RELT: variants seen among roughly 807,000 people sequenced by gnomAD.
RELT encodes RELT TNF receptor.
Under a neutral mutation model 51.1 loss-of-function variants are expected in RELT, and 37 were observed. The observed-to-expected ratio is 0.72, with a 90% confidence interval of 0.56 to 0.95. The LOEUF (loss-of-function observed/expected upper bound fraction) is 0.95. Ranked by LOEUF, RELT falls within the 40% of genes least tolerant of loss-of-function variation. The pLI, the probability that RELT is intolerant of heterozygous loss-of-function variation, is 0.00. For synonymous variants in RELT, 241 were observed against 235.7 expected, an observed-to-expected ratio of 1.02 and a Z score of -0.21; for missense variants, 535 against 572.6, an observed-to-expected ratio of 0.93 and a Z score of 0.67.
chr11:73,387,589 G>A (rs1283046865), intron 1 of RELT, among the ~76,000 whole-genome samples: 2 of 152,214 alleles, frequency 1.3e-5, no homozygotes, highest in African/African-American at 4.8e-5. Flanking sequence ...TTTCCCCTGA[G>A]CTGGCCTGGG....
chr11:73,377,447 T>C (rs1024113127), intron 1 of RELT, among the ~76,000 whole-genome samples: 3 of 152,004 alleles, frequency 2.0e-5, no homozygotes, highest in Admixed American at 1.3e-4. Context: ...GGAGTTCAGC[T>C]TGGTGAGGAG....
At chr11:73,380,838 TGGG>T (rs1397665636) in intron 1 of RELT, among the ~76,000 whole-genome samples, 1 of 152,076 alleles carries the variant, frequency 6.6e-6, no homozygotes, top group Non-Finnish European at 1.5e-5. Context: ...TCAGGATCGA[TGGG>T]GGAGCAGGGA....
Position 73,394,963 on chromosome 11 carries a change from G to A in RELT, c.1047-124G>A, listed in dbSNP as rs1313657176. 5 of 974,676 alleles carry A rather than the reference G, an allele frequency of 5.1e-6. No homozygotes were observed. Among genetic ancestry groups the A allele is most frequent in the Admixed American group, 2.1e-5 (1 of 46,918 alleles). 60.4% of individuals were successfully genotyped at this position (974,676 alleles called of 1,614,324 possible). ...CTAGGGCAGCATCTTGGCCCCCATG[G>A]CACCCGGGCCTCTCAGGCTAAGGCT... On this transcript the variant is annotated intron_variant, in intron 9 of 10. Coordinates refer to ENST00000064780, the MANE Select transcript of RELT (RefSeq NM_152222.2). This position sits in a 1 kb window ranked among gnomAD's most constrained non-coding sequence, Gnocchi z 4.9.
At chr11:73,381,567 G>A (rs889706057) in intron 1 of RELT, among the ~76,000 whole-genome samples, 2 of 152,188 alleles carry the variant, frequency 1.3e-5, no homozygotes, top group Non-Finnish European at 2.9e-5. Flanking sequence ...CAGGGAGGCT[G>A]GGGAGGCTTC....
rs1866303013 is a variant in RELT at position 73,395,452 on chromosome 11, C to G, written c.1254C>G (p.Arg418=). ...PPAENKAEEN[R]YVVRLSESNL... The stretch of plus-strand genomic sequence containing the variant: ...TCACCCCTGCCCACCAGGAGAACCG[C>G]TATGTGGTCCGGCTAAGTGAGAGCA... The change falls in exon 11 of 11, where the codon CGC becomes CGG. Residue 418 remains arginine, a synonymous_variant. Coordinates refer to ENST00000064780, the MANE Select transcript of RELT (RefSeq NM_152222.2). The G allele has an allele frequency of 1.2e-6, 1 of 843,364 alleles. No homozygotes were observed. The allele number at this position is 843,364 out of a possible 1,614,324, so 52.2% of individuals were successfully genotyped here.
intron 1 of RELT, among the ~76,000 whole-genome samples, chr11:73,379,275 A>C (rs1306824031): frequency 6.6e-6 from 1 of 152,180 alleles, no homozygotes; most frequent in African/African-American, 2.4e-5. Context: ...GAGAAGGGTT[A>C]ACTTCTCCTT....
At chr11:73,391,636 A>G (rs1301123261) in intron 5 of RELT, among the ~76,000 whole-genome samples, 3 of 152,166 alleles carry the variant, frequency 2.0e-5, no homozygotes. Context: ...GCAAAAAATA[A>G]AAATAAAAAA....
chr11:73,388,111 G>T lies in RELT; in HGVS notation c.-25-1001G>T, dbSNP rs369662119. ...GAGCAGGCCACCGTCTGGGCCTGGG[G>T]GCCTCAGTCTCAGACCGGTGGGCCG... On this transcript the variant is annotated intron_variant, in intron 1 of 10. Coordinates refer to ENST00000064780, the MANE Select transcript of RELT (RefSeq NM_152222.2). This position sits in a 1 kb window ranked among gnomAD's most constrained non-coding sequence, Gnocchi z 4.1. Among the ~76,000 whole-genome samples the T allele has an allele frequency of 3.0e-4, 45 of 152,220 alleles. No homozygotes were observed. The highest frequency in any genetic ancestry group is 1.0e-3 in the African/African-American group (43 of 41,460).
At chr11:73,385,118 G>A (rs557572969) in intron 1 of RELT, among the ~76,000 whole-genome samples, 21 of 152,262 alleles carry the variant, frequency 1.4e-4, no homozygotes, top group East Asian at 5.8e-4. Flanking sequence ...GCTGCAGGGC[G>A]GGACTGACCT....
At chr11:73,379,116 T>C (rs1386465356) in intron 1 of RELT, among the ~76,000 whole-genome samples, 2 of 152,130 alleles carry the variant, frequency 1.3e-5, no homozygotes, top group Non-Finnish European at 2.9e-5. Flanking sequence ...GGGATCAGGG[T>C]GTCCCTCGGT....
At position 73,383,539 on chromosome 11, in the gene RELT, A is replaced by G. The variant is rs1032780260; in HGVS notation, c.-25-5573A>G. 4.6e-5 allele frequency among the ~76,000 whole-genome samples: 7 copies of G among 152,204 alleles called. No individual in the cohort carries two copies. In the South Asian group the frequency reaches 1.4e-3, roughly 31 times the overall value. ...TCAGTTGAGCCACCTACTGGGTGCTACTAGCTTGCTAGCCTCCACCATCAG... is the reference window on the plus strand; with the variant it reads ...TCAGTTGAGCCACCTACTGGGTGCTGCTAGCTTGCTAGCCTCCACCATCAG... On this transcript the variant is annotated intron_variant, in intron 1 of 10. Coordinates refer to ENST00000064780, the MANE Select transcript of RELT (RefSeq NM_152222.2).
chr11:73,395,354 G>A (rs1260079452), intron 10 of RELT, 69 bp downstream of exon 10: 1 of 1,562,290 alleles, frequency 6.4e-7, no homozygotes, highest in Non-Finnish European at 8.8e-7. Flanking sequence ...GGCAGGGGTG[G>A]AAGTGCAGCG....
chr11:73,380,281 A>G (rs1302717085), intron 1 of RELT, among the ~76,000 whole-genome samples: 2 of 152,206 alleles, frequency 1.3e-5, no homozygotes, highest in Admixed American at 6.5e-5. Context: ...ATTTGCACCC[A>G]GGTCTCTGGT....
intron 6 of RELT, chr11:73,393,473 A>T (rs1565223640): frequency 1.6e-6 from 2 of 1,215,132 alleles, no homozygotes; most frequent in Admixed American, 3.5e-5. Flanking sequence ...AGATTTGGGG[A>T]GTTCTGGGTA....
chr11:73,378,308 C>T (rs1032279016), intron 1 of RELT, among the ~76,000 whole-genome samples: 1 of 152,078 alleles, frequency 6.6e-6, no homozygotes, highest in African/African-American at 2.4e-5. Flanking sequence ...CTGCTGTCGT[C>T]CTCTGAAAAT....
intron 1 of RELT, among the ~76,000 whole-genome samples, chr11:73,377,433 C>G (rs112838398): frequency 0.095 from 14,460 of 152,108 alleles, 755 homozygotes; most frequent in African/African-American, 0.12. Flanking sequence ...GAGGGCACCC[C>G]TCAGGAGTTC....
Position 73,390,775 on chromosome 11 carries a change from A to T in RELT, c.141A>T (p.Leu47Phe). Residue 47 changes from leucine to phenylalanine, a missense_variant, in exon 4 of 11, where the codon TTA (leucine) becomes TTT (phenylalanine). Leu to Phe is a conservative substitution (Grantham distance 22). Transcript: ENST00000064780. ...CACAGGACCCAGGGCAGGGCACATT[A>T]TGCAGGCCCTGCCCCCCAGGCACCT... ...EPDLDPGQGTLCRPCPPGTFS... is the reference protein window; with the variant it reads ...EPDLDPGQGTFCRPCPPGTFS... The T allele has an allele frequency of 1.2e-6, 2 of 1,609,352 alleles. No individual in the cohort carries two copies. Among genetic ancestry groups the T allele is most frequent in the South Asian group, 2.2e-5 (2 of 90,722 alleles).
chr11:73,390,934 G>C lies in RELT; in HGVS notation c.287+13G>C. ...ACTGCTGGCCTGGGTAAGCCAAAGG[G>C]AGTGCGGGGAGGGCTCCTGGCTGGG... On this transcript the variant is annotated intron_variant, in intron 4 of 10. Coordinates refer to ENST00000064780, the MANE Select transcript of RELT (RefSeq NM_152222.2). The C allele has an allele frequency of 1.9e-6, 3 of 1,608,194 alleles. No homozygotes were observed. The highest frequency in any genetic ancestry group is 2.5e-6 in the Non-Finnish European group (3 of 1,178,512).
At position 73,394,829 on chromosome 11, in the gene RELT, C is replaced by T. The variant is rs1005139149; in HGVS notation, c.1046+95C>T. ...GGGCCCCAGCTTGGGCCCTGAGCAC[C>T]CTGCTCAATGGGAGCCCTGCCCTTA... On this transcript the variant is annotated intron_variant, in intron 9 of 10. Transcript: ENST00000064780. The surrounding 1 kb of genome is among the most constrained non-coding windows in gnomAD (Gnocchi z 4.9). The T allele has an allele frequency of 6.3e-6, 9 of 1,425,182 alleles. No homozygotes were observed. Among genetic ancestry groups the T allele is most frequent in the African/African-American group, 1.4e-5 (1 of 71,060 alleles). The allele number at this position is 1,425,182 out of a possible 1,614,324, so 88.3% of individuals were successfully genotyped here.
Sources: gnomAD v4.1 joint callset for allele counts (sites outside exome capture counted in the v4.1 genomes callset) on GRCh38, gnomAD v4.1.1 for gene constraint, Gnocchi (gnomAD v3.1) non-coding constraint, MANE v1.5 for transcripts, NCBI Gene and HGNC (gene_info 2026-07-23, HGNC 2026-07-21) for gene names.